The following SPAM1 variants were observed in gnomAD, a reference collection of about 807,000 sequenced individuals.
The protein encoded by SPAM1 is sperm adhesion molecule 1, also known as hyaluronidase PH-20.
A neutral mutation model predicts 29.6 loss-of-function variants in SPAM1; 22 were observed. The ratio of observed to expected loss-of-function variants is 0.74; its 90% CI spans 0.53 to 1.06. The LOEUF (loss-of-function observed/expected upper bound fraction) is 1.06, where lower values mean the gene tolerates loss of function less well. SPAM1 is among the 50% of genes least tolerant of loss of function. SPAM1 has a pLI of 0.00. For synonymous variants in SPAM1, 194 were observed against 204.6 expected (o/e 0.95, Z 0.44); for missense variants, 534 against 604.0 (o/e 0.88, Z 1.21).
chr7:123,961,563 C>T (rs926391127), downstream of SPAM1, among the ~76,000 whole-genome samples: 7 of 151,926 alleles, frequency 4.6e-5, no homozygotes, highest in Non-Finnish European at 1.0e-4. Flanking sequence ...TTAATCCATT[C>T]ATCTGTTGAT....
At chr7:123,934,891 A>G (rs750934288) in intron 1 of SPAM1, among the ~76,000 whole-genome samples, 33 of 152,192 alleles carry the variant, frequency 2.2e-4, no homozygotes, top group South Asian at 4.1e-4. Context: ...ACAGCATGAC[A>G]GGAGGAATAA....
At chr7:123,947,318 G>A (rs539024844) in intron 1 of SPAM1, among the ~76,000 whole-genome samples, 1 of 152,180 alleles carries the variant, frequency 6.6e-6, no homozygotes. Flanking sequence ...GGAGGTCGAC[G>A]TGGCGAGATC....
intron 5 of SPAM1, among the ~76,000 whole-genome samples, chr7:123,969,391 T>G (rs755200843): frequency 6.6e-6 from 1 of 152,044 alleles, no homozygotes; most frequent in Non-Finnish European, 1.5e-5. Flanking sequence ...ATTTCCCCTA[T>G]GTTTTATGCT....
intron 1 of SPAM1, among the ~76,000 whole-genome samples, chr7:123,937,568 T>C (rs1457558471): frequency 3.3e-5 from 4 of 120,174 alleles, no homozygotes; most frequent in Non-Finnish European, 4.8e-5. Context: ...GCCACTGCAC[T>C]CCAGCCTGGG....
At position 123,953,936 on chromosome 7, in the gene SPAM1, C is replaced by G; in HGVS notation, c.366C>G (p.Asp122Glu). ...TCCCCCAGAAGATTTCCTTACAAGA[C>G]CATCTGGACAAAGCTAAGAAAGACA... ...GGIPQKISLQ[D>E]HLDKAKKDIT... is the part of the protein sequence containing the mutation. The change falls in exon 3 of 5, where the codon GAC (aspartate) becomes GAG (glutamate). Residue 122 changes from aspartate (D) to glutamate (E), a missense_variant. By Grantham distance (45) the Asp-to-Glu change is conservative. Coordinates refer to ENST00000682466, the MANE Select transcript of SPAM1 (RefSeq NM_153189.3). The G allele has an allele frequency of 6.2e-7, 1 of 1,613,670 alleles. No individual in the cohort carries two copies.
rs984286192 is a variant in SPAM1, at chr7:123,954,340, C to T, written c.770C>T (p.Thr257Ile). 41 of 1,613,130 alleles carry T rather than the reference C, an allele frequency of 2.5e-5. No individual in the cohort carries two copies. The highest frequency in any genetic ancestry group is 2.4e-5 in the Non-Finnish European group (28 of 1,179,528). ...DDLSWLWNES[T>I]ALYPSIYLNT... ...CTCAGCTGGTTGTGGAATGAAAGCACTGCTCTTTACCCATCCATTTATTTG... is the reference window on the plus strand; with the variant it reads ...CTCAGCTGGTTGTGGAATGAAAGCATTGCTCTTTACCCATCCATTTATTTG... Residue 257 changes from threonine to isoleucine, a missense_variant, in exon 3 of 5, where the codon ACT becomes ATT. Transcript: ENST00000682466.
At chr7:123,957,157 G>C (rs1161197933) in intron 4 of SPAM1, among the ~76,000 whole-genome samples, 1 of 151,890 alleles carries the variant, frequency 6.6e-6, no homozygotes, top group Non-Finnish European at 1.5e-5. Flanking sequence ...TGGAACTTAT[G>C]AGTACTTAAA....
intron 1 of SPAM1, among the ~76,000 whole-genome samples, chr7:123,942,276 A>G (rs1808454730): frequency 6.6e-6 from 1 of 152,234 alleles, no homozygotes; most frequent in Non-Finnish European, 1.5e-5. Context: ...TCCAAACTAT[A>G]AGTTCAGTCC....
chr7:123,935,768 A>G (rs1378495072), intron 1 of SPAM1, among the ~76,000 whole-genome samples: 1 of 152,236 alleles, frequency 6.6e-6, no homozygotes, highest in Non-Finnish European at 1.5e-5. Context: ...GCTGTTACTC[A>G]GTAGACATAC....
downstream of SPAM1, among the ~76,000 whole-genome samples, chr7:123,960,944 T>A (rs984614788): frequency 6.6e-6 from 1 of 151,868 alleles, no homozygotes; most frequent in Non-Finnish European, 1.5e-5. Context: ...ATTAAAAAAA[T>A]TATTATACAT....
chr7:123,940,951 G>T (rs960977409), intron 1 of SPAM1, among the ~76,000 whole-genome samples: 5 of 152,114 alleles, frequency 3.3e-5, no homozygotes, highest in African/African-American at 9.7e-5. Flanking sequence ...CATGTTTAAT[G>T]ATTGTGATTT....
At chr7:123,946,905 T>C (rs775367170) in intron 1 of SPAM1, among the ~76,000 whole-genome samples, 8 of 152,122 alleles carry the variant, frequency 5.3e-5, no homozygotes, top group Non-Finnish European at 1.2e-4. Flanking sequence ...GGCAAATTGT[T>C]TGGTAGGTGT....
chr7:123,957,567 C>A (rs1302889057), intron 4 of SPAM1, among the ~76,000 whole-genome samples: 2 of 151,902 alleles, frequency 1.3e-5, no homozygotes, highest in Non-Finnish European at 2.9e-5. Context: ...TTTTCTATTG[C>A]TTTCATAAAA....
intron 6 of SPAM1, among the ~76,000 whole-genome samples, chr7:123,970,556 G>T (rs990988534): frequency 5.3e-5 from 8 of 150,792 alleles, no homozygotes; most frequent in Non-Finnish European, 1.5e-5. Flanking sequence ...GGAGTTTAAG[G>T]CCAGCCTGGA....
intron 1 of SPAM1, among the ~76,000 whole-genome samples, chr7:123,937,276 ACT>A (rs772359014): frequency 3.3e-5 from 5 of 151,870 alleles, no homozygotes; most frequent in Non-Finnish European, 5.9e-5. Context: ...AGGGGAAATA[ACT>A]CTACACTTTA....
At position 123,959,588 on chromosome 7, in the gene SPAM1, G is replaced by A; in HGVS notation, c.1149G>A (p.Glu383=). The A allele has an allele frequency of 6.2e-7, 1 of 1,613,200 alleles. No homozygotes were observed. Among genetic ancestry groups the A allele is most frequent in the South Asian group, 1.1e-5 (1 of 91,056 alleles). ...AKMCSQVLCQ[E]QGVCIRKNWN... ...TGTGTAGCCAAGTGCTTTGCCAGGA[G>A]CAAGGAGTGTGTATAAGGAAAAACT... The change falls in exon 5 of 5, where the codon GAG becomes GAA. Residue 383 remains glutamate (E), a synonymous_variant. Transcript: ENST00000682466.
At chr7:123,962,861 C>A (rs1792379363), downstream of SPAM1, among the ~76,000 whole-genome samples, 1 of 151,684 alleles carries the variant, frequency 6.6e-6, no homozygotes, top group African/African-American at 2.4e-5. Flanking sequence ...TATATATACA[C>A]AAATAACACA....
At chr7:123,931,547 G>T (rs1331798831) in intron 1 of SPAM1, among the ~76,000 whole-genome samples, 1 of 152,120 alleles carries the variant, frequency 6.6e-6, no homozygotes, top group Non-Finnish European at 1.5e-5. Context: ...TTTTTGTCCA[G>T]TCATATTTCC....
chr7:123,937,323 C>G (rs557262751), intron 1 of SPAM1, among the ~76,000 whole-genome samples: 1 of 152,088 alleles, frequency 6.6e-6, no homozygotes, highest in Non-Finnish European at 1.5e-5. Flanking sequence ...CACTTCAGGC[C>G]GGGCGCGGTG....
Sources: gnomAD v4.1 joint callset for allele counts (sites outside exome capture counted in the v4.1 genomes callset) on GRCh38, gnomAD v4.1.1 for gene constraint, MANE v1.5 for transcripts, NCBI Gene and HGNC (gene_info 2026-07-23, HGNC 2026-07-21) for gene names.